The following TEAD1 variants were observed in gnomAD, a reference collection of about 807,000 sequenced individuals.
TEAD1 encodes TEA domain transcription factor 1.
In TEAD1, 9 loss-of-function variants were observed where a neutral mutation model predicts 54.9. The ratio of observed to expected loss-of-function variants is 0.16; its 90% CI spans 0.10 to 0.29. The LOEUF (loss-of-function observed/expected upper bound fraction) is 0.29, where lower values mean the gene tolerates loss of function less well. TEAD1 is among the 10% of genes least tolerant of loss of function. The probability of loss-of-function intolerance (pLI) is 1.00; values close to 1 mark genes in which losing one functional copy is unlikely to be tolerated. For missense variants in TEAD1, 387 were observed against 535.9 expected (o/e 0.72, Z 2.74); for synonymous variants, 200 against 187.8 (o/e 1.07, Z -0.53).
chr11:12,849,936 T>C (rs1190398727), intron 3 of TEAD1, among the ~76,000 whole-genome samples: 1 of 152,246 alleles, frequency 6.6e-6, no homozygotes, highest in Non-Finnish European at 1.5e-5. Flanking sequence ...TTTAGGACCA[T>C]GTCATTTTGA....
intron 10 of TEAD1, among the ~76,000 whole-genome samples, chr11:12,916,136 C>T (rs142781823): frequency 1.9e-3 from 291 of 152,256 alleles, no homozygotes; most frequent in Middle Eastern, 3.4e-3. Flanking sequence ...ACTCAACACA[C>T]GTGTTAATGA....
Position 12,708,064 on chromosome 11 carries a change from C to G in TEAD1, c.-55+32503C>G, listed in dbSNP as rs549879466. Among the ~76,000 whole-genome samples the G allele has an allele frequency of 3.3e-5, 5 of 151,018 alleles. No homozygotes were observed. In the South Asian group the frequency reaches 1.0e-3, roughly 31 times the overall value. Reference sequence around the variant, plus strand: ...GGTGCTGGTTCTGCTTTGGCAGTTCCCAAAGTCCCTTACAGGACAAGAATG... The same window carrying G: ...GGTGCTGGTTCTGCTTTGGCAGTTCGCAAAGTCCCTTACAGGACAAGAATG... On this transcript the variant is annotated intron_variant, in intron 2 of 12. Coordinates refer to ENST00000527636, the MANE Select transcript of TEAD1 (RefSeq NM_021961.6).
chr11:12,899,748 G>T (rs1948388221), intron 9 of TEAD1, among the ~76,000 whole-genome samples: 1 of 152,164 alleles, frequency 6.6e-6, no homozygotes, highest in African/African-American at 2.4e-5. Flanking sequence ...GCTTGATAGG[G>T]TTCTCTCTTT....
intron 10 of TEAD1, among the ~76,000 whole-genome samples, chr11:12,920,798 T>G (rs1205192873): frequency 6.6e-6 from 1 of 152,214 alleles, no homozygotes; most frequent in Non-Finnish European, 1.5e-5. Context: ...CTAATGCACC[T>G]TTTCTGCTCA....
chr11:12,707,266 G>A (rs1427492833), intron 2 of TEAD1, among the ~76,000 whole-genome samples: 1 of 151,848 alleles, frequency 6.6e-6, no homozygotes, highest in African/African-American at 2.4e-5. Context: ...CCGAGACCTG[G>A]GATCACCCTT....
intron 3 of TEAD1, among the ~76,000 whole-genome samples, chr11:12,796,367 G>A (rs1398254491): frequency 6.6e-6 from 1 of 152,166 alleles, no homozygotes; most frequent in East Asian, 1.9e-4. Context: ...TTATAGAGAT[G>A]CTATTGTGTT....
chr11:12,757,506 G>C (rs1211208440), intron 2 of TEAD1, among the ~76,000 whole-genome samples: 7 of 152,178 alleles, frequency 4.6e-5, no homozygotes. Flanking sequence ...AGGACTATTA[G>C]TTGCCAATAA....
At chr11:12,749,143 G>A (rs1395794320) in intron 2 of TEAD1, among the ~76,000 whole-genome samples, 2 of 152,068 alleles carry the variant, frequency 1.3e-5, no homozygotes, top group Non-Finnish European at 2.9e-5. Context: ...GATTTGCGCT[G>A]GTTTGTTTTG....
chr11:12,805,827 G>A (rs937851464), intron 3 of TEAD1, among the ~76,000 whole-genome samples: 3 of 152,212 alleles, frequency 2.0e-5, no homozygotes, highest in African/African-American at 7.2e-5. Context: ...TTTAAATCAA[G>A]TTAGTTTTAC....
At chr11:12,677,061 G>A (rs1943109615) in intron 2 of TEAD1, among the ~76,000 whole-genome samples, 1 of 151,930 alleles carries the variant, frequency 6.6e-6, no homozygotes, top group Non-Finnish European at 1.5e-5. Flanking sequence ...GAAAATTATA[G>A]GGAAGAATCT....
chr11:12,777,118 G>A (rs1395702536), intron 3 of TEAD1, among the ~76,000 whole-genome samples: 1 of 152,028 alleles, frequency 6.6e-6, no homozygotes, highest in Non-Finnish European at 1.5e-5. Flanking sequence ...GTTTGTTCTT[G>A]TGTCAATGTA....
At chr11:12,807,485 A>G (rs938983853) in intron 3 of TEAD1, among the ~76,000 whole-genome samples, 4 of 152,190 alleles carry the variant, frequency 2.6e-5, no homozygotes, top group Non-Finnish European at 5.9e-5. Flanking sequence ...CAAGTTACTT[A>G]ACCTTCTCTA....
Position 12,939,691 on chromosome 11 carries a change from T to G in TEAD1, c.*2469T>G, listed in dbSNP as rs1051153340. 1 of 152,304 alleles carries G rather than the reference T, an allele frequency of 6.6e-6. No homozygotes were observed. The highest frequency in any genetic ancestry group is 1.5e-5 in the Non-Finnish European group (1 of 68,078). 9.4% of individuals were successfully genotyped at this position (152,304 alleles called of 1,614,324 possible). ...GTTGAGTTTTCTGGGTTTCTATGAT[T>G]GACCTTGAGGTTTACTCCTTGCTCT... On this transcript the variant is annotated 3_prime_UTR_variant, in exon 13 of 13. Coordinates refer to ENST00000527636, the MANE Select transcript of TEAD1 (RefSeq NM_021961.6).
At chr11:12,845,923 C>CG (rs1408266186) in intron 3 of TEAD1, among the ~76,000 whole-genome samples, 1 of 152,194 alleles carries the variant, frequency 6.6e-6, no homozygotes, top group Non-Finnish European at 1.5e-5. Flanking sequence ...CCAGGTCCTG[C>CG]GGAGCGCCTT....
intron 5 of TEAD1, among the ~76,000 whole-genome samples, chr11:12,873,904 G>T (rs1275920561): frequency 6.6e-6 from 1 of 152,220 alleles, no homozygotes; most frequent in Non-Finnish European, 1.5e-5. Context: ...AAAAGTGATT[G>T]TGCAAGCAAA....
rs564332661 is a variant in TEAD1 at position 12,841,772 on chromosome 11, G to A, written c.203-20478G>A. 2.6e-5 allele frequency among the ~76,000 whole-genome samples: 4 copies of A among 152,286 alleles called. 1 individual carries two copies. Among genetic ancestry groups the A allele is most frequent in the East Asian group, 1.9e-4 (1 of 5,190 alleles). ...AATGTAAAAGTAGCTAGGGCTTATCGTGGTATCATAGCATTATAGGGTATG... is the reference window on the plus strand; with the variant it reads ...AATGTAAAAGTAGCTAGGGCTTATCATGGTATCATAGCATTATAGGGTATG... On this transcript the variant is annotated intron_variant, in intron 3 of 12. Transcript: ENST00000527636.
chr11:12,858,003 G>A (rs1431399707), intron 3 of TEAD1, among the ~76,000 whole-genome samples: 1 of 152,178 alleles, frequency 6.6e-6, no homozygotes, highest in Non-Finnish European at 1.5e-5. Flanking sequence ...TACTTGGAGA[G>A]CTAAGGCAGA....
chr11:12,856,973 A>G (rs1484564509), intron 3 of TEAD1, among the ~76,000 whole-genome samples: 3 of 152,166 alleles, frequency 2.0e-5, no homozygotes, highest in Non-Finnish European at 4.4e-5. Flanking sequence ...ACAGACCTTC[A>G]TTTGCTGTGC....
intron 3 of TEAD1, among the ~76,000 whole-genome samples, chr11:12,768,279 TCTTA>T (rs1332715144): frequency 2.0e-5 from 3 of 152,226 alleles, no homozygotes; most frequent in Non-Finnish European, 4.4e-5. Flanking sequence ...ATTAGATAGA[TCTTA>T]CTGTGTAGGA....
Sources: gnomAD v4.1 joint callset for allele counts (sites outside exome capture counted in the v4.1 genomes callset) on GRCh38, gnomAD v4.1.1 for gene constraint, MANE v1.5 for transcripts, NCBI Gene and HGNC (gene_info 2026-07-23, HGNC 2026-07-21) for gene names.